Variants in ATP7A observed in about 807,000 individuals in gnomAD.
The protein encoded by ATP7A is ATPase copper transporting alpha.
ATP7A carries 7 observed loss-of-function variants against 83.5 expected under a neutral mutation model. That is an observed-to-expected ratio of 0.08 (90% CI 0.05 to 0.16). ATP7A has a LOEUF of 0.16. Ranked by LOEUF, ATP7A falls within the 10% of genes least tolerant of loss-of-function variation. The probability of loss-of-function intolerance (pLI) is 1.00; values close to 1 mark genes in which losing one functional copy is unlikely to be tolerated. For missense variants in ATP7A, 940 were observed against 1,120.8 expected (o/e 0.84, Z 2.30); for synonymous variants, 354 against 395.2 (o/e 0.90, Z 1.24).
chrX:77,946,322 A>G (rs1055592824), intron 1 of ATP7A, among the ~76,000 whole-genome samples: 72 of 108,874 alleles, frequency 6.6e-4, no homozygotes, highest in Admixed American at 7.0e-4. Context: ...AAAAAATTCC[A>G]TTTCCTTTTT....
chrX:77,989,297 G>A lies in ATP7A; in HGVS notation c.675G>A (p.Met225Ile). 2 of 1,211,250 alleles carry A rather than the reference G, an allele frequency of 1.7e-6. No homozygotes were observed. Among genetic ancestry groups the A allele is most frequent in the South Asian group, 3.5e-5 (2 of 56,952 alleles). Residue 225 changes from methionine to isoleucine, a missense_variant, in exon 4 of 23, where the codon ATG becomes ATA. Transcript: ENST00000341514. Reference sequence around the variant, plus strand: ...CTCATCTTATCTCAGTAGAGGAAATGAAAAAGCAGATTGAAGCTATGGGCT... The same window carrying A: ...CTCATCTTATCTCAGTAGAGGAAATAAAAAAGCAGATTGAAGCTATGGGCT... The part of the protein sequence containing the change: ...YQPHLISVEE[M>I]KKQIEAMGFP...
At chrX:77,914,954 A>C (rs1361916509) in intron 1 of ATP7A, among the ~76,000 whole-genome samples, 1 of 111,418 alleles carries the variant, frequency 9.0e-6, no homozygotes, top group East Asian at 2.8e-4. Context: ...TGATGCTTCA[A>C]GGTATCTTAA....
chrX:78,040,175 A>C (rs1487624355), intron 18 of ATP7A, among the ~76,000 whole-genome samples: 1 of 101,094 alleles, frequency 9.9e-6, no homozygotes, highest in Non-Finnish European at 2.0e-5. Flanking sequence ...TTCCCACTAT[A>C]AAGTGCCCAT....
intron 1 of ATP7A, among the ~76,000 whole-genome samples, chrX:77,967,527 G>A (rs189364318): frequency 7.8e-4 from 87 of 111,845 alleles, no homozygotes; most frequent in African/African-American, 1.7e-3. Flanking sequence ...TTTTTCATAT[G>A]TTTGTTGGCC....
rs782746073 is a variant in ATP7A, at chrX:77,996,004, C to G, written c.1337-2474C>G. On this transcript the variant is annotated intron_variant, in intron 4 of 22. Coordinates refer to ENST00000341514, the MANE Select transcript of ATP7A (RefSeq NM_000052.7). ...TTGTGATCCACCCGCCTCGGCCTCCCCAAGTGCTGGGATTACAGGCGTGAG... is the reference window on the plus strand; with the variant it reads ...TTGTGATCCACCCGCCTCGGCCTCCGCAAGTGCTGGGATTACAGGCGTGAG... Among the ~76,000 whole-genome samples, 13 of 112,019 alleles carry G rather than the reference C, an allele frequency of 1.2e-4. No individual in the cohort carries two copies. In the East Asian group the frequency reaches 3.7e-3, roughly 32 times the overall value.
chrX:78,006,217 G>T (rs1236017813), intron 6 of ATP7A, among the ~76,000 whole-genome samples: 1 of 112,203 alleles, frequency 8.9e-6, no homozygotes, highest in African/African-American at 3.2e-5. Flanking sequence ...TCTGTCAAAG[G>T]TGAAATTGCA....
intron 7 of ATP7A, among the ~76,000 whole-genome samples, chrX:78,010,152 A>T (rs2077807915): frequency 8.9e-6 from 1 of 112,626 alleles, no homozygotes; most frequent in Non-Finnish European, 1.9e-5. Flanking sequence ...AGTACCTGCT[A>T]TGTGCCAGTT....
chrX:78,027,292 G>A (rs2077951837), intron 14 of ATP7A, among the ~76,000 whole-genome samples: 1 of 111,537 alleles, frequency 9.0e-6, no homozygotes, highest in Non-Finnish European at 1.9e-5. Context: ...AAAATTATTA[G>A]CATTTCTATA....
chrX:78,008,141 G>A (rs1280181329), intron 6 of ATP7A, among the ~76,000 whole-genome samples: 2 of 111,900 alleles, frequency 1.8e-5, no homozygotes, highest in Non-Finnish European at 3.8e-5. Context: ...ATTTCTGCCA[G>A]TTTTCTCATT....
At chrX:77,917,506 G>A (rs1190326128) in intron 1 of ATP7A, among the ~76,000 whole-genome samples, 2 of 111,671 alleles carry the variant, frequency 1.8e-5, no homozygotes, top group Non-Finnish European at 3.8e-5. Flanking sequence ...TATCAGTTAA[G>A]CAATGTACAC....
chrX:78,003,933 C>CT lies in ATP7A; in HGVS notation c.1707+700dup, dbSNP rs782534652. Among the ~76,000 whole-genome samples, 348 of 110,744 alleles carry CT rather than the reference C, an allele frequency of 3.1e-3. 4 individuals carry two copies. The highest frequency in any genetic ancestry group is 0.011 in the African/African-American group (329 of 30,487). The stretch of plus-strand genomic sequence containing the variant: ...CTCCAGCCTGGGTGACAGAATGAGA[C>CT]TTTGTTTTTTTAAAAAAAGGAATGT... On this transcript the variant is annotated intron_variant, in intron 6 of 22. Coordinates refer to ENST00000341514, the MANE Select transcript of ATP7A (RefSeq NM_000052.7).
chrX:77,985,735 G>T lies in ATP7A; in HGVS notation c.121-2507G>T, dbSNP rs181762474. 2.4e-3 allele frequency among the ~76,000 whole-genome samples: 270 copies of T among 110,549 alleles called. 2 individuals are homozygous for T. The highest frequency in any genetic ancestry group is 8.4e-3 in the African/African-American group (257 of 30,420). ...GAAATTTTTTTTTAGTTTTGTGAAT[G>T]TTAACACATGTATAGATTTGTTTAA... is the stretch of plus-strand genomic sequence containing the variant. On this transcript the variant is annotated intron_variant, in intron 2 of 22. Coordinates refer to ENST00000341514, the MANE Select transcript of ATP7A (RefSeq NM_000052.7).
At chrX:77,974,620 A>G in intron 2 of ATP7A, 1 of 283,870 alleles carries the variant, frequency 3.5e-6, no homozygotes, top group East Asian at 5.0e-5. Flanking sequence ...ACTATTTATC[A>G]GATTAATTAA....
intron 4 of ATP7A, among the ~76,000 whole-genome samples, chrX:77,994,706 A>T (rs902110742): frequency 2.7e-5 from 3 of 110,119 alleles, no homozygotes; most frequent in African/African-American, 9.9e-5. Flanking sequence ...CACCCGGCTA[A>T]TTTTTTTCTA....
chrX:77,966,770 G>A (rs2077508555), intron 1 of ATP7A: 4 of 328,704 alleles, frequency 1.2e-5, no homozygotes, highest in Non-Finnish European at 2.4e-5. Flanking sequence ...TACCTTAAAA[G>A]GCTGAATTTT....
chrX:77,967,491 C>A (rs1386158590), intron 1 of ATP7A, among the ~76,000 whole-genome samples: 1 of 111,976 alleles, frequency 8.9e-6, no homozygotes, highest in African/African-American at 3.2e-5. Context: ...ATTTGCATTT[C>A]TCTGATGATC....
At chrX:77,992,441 GACTCTAGT>G (rs782286961) in intron 4 of ATP7A, among the ~76,000 whole-genome samples, 40 of 111,206 alleles carry the variant, frequency 3.6e-4, no homozygotes, top group African/African-American at 1.3e-3. Context: ...ATGTTAAAGG[GACTCTAGT>G]ACCAAAAGTC....
chrX:78,020,714 T>C (rs1226807039), intron 13 of ATP7A, among the ~76,000 whole-genome samples: 1 of 110,348 alleles, frequency 9.1e-6, no homozygotes. Context: ...AGAAACAGGG[T>C]CTCCCTAAGT....
At chrX:78,012,034 C>T (rs1304886841) in intron 9 of ATP7A, among the ~76,000 whole-genome samples, 3 of 109,837 alleles carry the variant, frequency 2.7e-5, no homozygotes, top group Non-Finnish European at 5.7e-5. Flanking sequence ...GTCTTGAACT[C>T]CTGGGCTCAA....
Sources: gnomAD v4.1 joint callset for allele counts (sites outside exome capture counted in the v4.1 genomes callset) on GRCh38, gnomAD v4.1.1 for gene constraint, MANE v1.5 for transcripts, NCBI Gene and HGNC (gene_info 2026-07-23, HGNC 2026-07-21) for gene names.